The following ZFYVE9 variants were observed in gnomAD, a reference collection of about 807,000 sequenced individuals.
ZFYVE9 encodes zinc finger FYVE domain-containing protein 9.
A neutral mutation model predicts 126.7 loss-of-function variants in ZFYVE9; 43 were observed. The ratio of observed to expected loss-of-function variants is 0.34; its 90% CI spans 0.27 to 0.44. The LOEUF is 0.44. Ranked by LOEUF, ZFYVE9 falls within the 20% of genes least tolerant of loss-of-function variation. The pLI, the probability that ZFYVE9 is intolerant of heterozygous loss-of-function variation, is 1.00. For missense variants in ZFYVE9, 1,476 were observed against 1,697.0 expected (o/e 0.87, Z 2.29); for synonymous variants, 521 against 597.4 (o/e 0.87, Z 1.87).
chr1:52,270,402 A>C (rs1187015808), intron 7 of ZFYVE9, among the ~76,000 whole-genome samples: 2 of 152,088 alleles, frequency 1.3e-5, no homozygotes, highest in East Asian at 3.9e-4. Context: ...TAGCTGGGAC[A>C]ACAGGCGCCC....
intron 11 of ZFYVE9, 82 bp from the exon 12 acceptor site, chr1:52,295,813 G>T: frequency 8.5e-7 from 1 of 1,174,544 alleles, no homozygotes; most frequent in South Asian, 1.4e-5. Context: ...ATTATATTTT[G>T]AAAATTGTAT....
intron 13 of ZFYVE9, among the ~76,000 whole-genome samples, chr1:52,323,360 A>G (rs979063846): frequency 6.6e-6 from 1 of 152,124 alleles, no homozygotes; most frequent in South Asian, 2.1e-4. Context: ...TCTCTGTAGC[A>G]CTTGTCATTG....
rs1273649682 is a variant in ZFYVE9 at position 52,271,506 on chromosome 1, G to A, written c.2625+2874G>A. Among the ~76,000 whole-genome samples the A allele has an allele frequency of 1.3e-5, 2 of 152,094 alleles. 1 individual carries two copies. The highest frequency in any genetic ancestry group is 2.9e-5 in the Non-Finnish European group (2 of 68,026). On this transcript the variant is annotated intron_variant, in intron 7 of 18. Transcript: ENST00000287727. ...TGTTACATAGGTATACATGTGCAAT[G>A]GTGGTTTGCTGCACCCATCAACCCG... is the stretch of plus-strand genomic sequence containing the variant.
chr1:52,300,049 G>C, intron 12 of ZFYVE9, among the ~76,000 whole-genome samples: 2 of 152,186 alleles, frequency 1.3e-5, no homozygotes, highest in Non-Finnish European at 2.9e-5. Flanking sequence ...ACTCCTTGCA[G>C]GGAGGCAGTG....
intron 13 of ZFYVE9, among the ~76,000 whole-genome samples, chr1:52,308,753 T>C (rs947085243): frequency 6.6e-6 from 1 of 152,216 alleles, no homozygotes; most frequent in African/African-American, 2.4e-5. Context: ...TTATATGCAT[T>C]CCTAGAATTC....
intron 9 of ZFYVE9, among the ~76,000 whole-genome samples, 184 bp downstream of exon 9, chr1:52,278,798 C>T (rs1269339464): frequency 6.6e-6 from 1 of 150,498 alleles, no homozygotes; most frequent in East Asian, 1.9e-4. Context: ...ACCATCTCGG[C>T]TCACTGCAAG....
chr1:52,337,956 C>T (rs1264102329), intron 16 of ZFYVE9, 22 bp downstream of exon 16: 1 of 1,608,342 alleles, frequency 6.2e-7, no homozygotes, highest in Non-Finnish European at 8.5e-7. Flanking sequence ...ACATGTCCCC[C>T]TTTGTGGCTT....
At chr1:52,268,737 A>G in intron 7 of ZFYVE9, 105 bp downstream of exon 7, 1 of 1,351,290 alleles carries the variant, frequency 7.4e-7, no homozygotes, top group Non-Finnish European at 1.0e-6. Context: ...TTTGGATACA[A>G]CTTAGTGTAT....
At chr1:52,147,762 T>G (rs530777850) in intron 1 of ZFYVE9, among the ~76,000 whole-genome samples, 1 of 152,340 alleles carries the variant, frequency 6.6e-6, no homozygotes, top group South Asian at 2.1e-4. Flanking sequence ...GGTAGCTGTA[T>G]GTTTAACCTT....
chr1:52,242,600 A>T (rs1316824487), intron 4 of ZFYVE9, among the ~76,000 whole-genome samples: 1 of 152,090 alleles, frequency 6.6e-6, no homozygotes, highest in Non-Finnish European at 1.5e-5. Context: ...AAATTTAGAT[A>T]TAACGGGTGT....
intron 15 of ZFYVE9, 94 bp from the exon 16 acceptor site, chr1:52,337,678 C>G: frequency 7.1e-7 from 1 of 1,418,246 alleles, no homozygotes; most frequent in Non-Finnish European, 9.6e-7. Flanking sequence ...CTTTGGAAAG[C>G]AGAGCTAAGG....
chr1:52,164,082 G>A (rs76390417), intron 1 of ZFYVE9, among the ~76,000 whole-genome samples: 166 of 151,196 alleles, frequency 1.1e-3, no homozygotes, highest in African/African-American at 3.9e-3. Flanking sequence ...CTCCCCAGTA[G>A]CTGGGACTAT....
At chr1:52,158,493 A>T (rs1163959501) in intron 1 of ZFYVE9, among the ~76,000 whole-genome samples, 1 of 152,204 alleles carries the variant, frequency 6.6e-6, no homozygotes, top group Non-Finnish European at 1.5e-5. Context: ...AAGGATTTGG[A>T]AATGACAATC....
At chr1:52,314,441 GA>G (rs1646164142) in intron 13 of ZFYVE9, among the ~76,000 whole-genome samples, 1 of 152,194 alleles carries the variant, frequency 6.6e-6, no homozygotes, top group Non-Finnish European at 1.5e-5. Context: ...CAGCACTTTG[GA>G]AGGCCAAGAT....
At chr1:52,279,993 A>C (rs2147815234) in intron 9 of ZFYVE9, among the ~76,000 whole-genome samples, 1 of 152,236 alleles carries the variant, frequency 6.6e-6, no homozygotes, top group Non-Finnish European at 1.5e-5. Flanking sequence ...GCCAGTTATT[A>C]ATGCTTGCTA....
intron 17 of ZFYVE9, 71 bp from the exon 18 acceptor site, chr1:52,344,697 A>G (rs1646468447): frequency 6.6e-7 from 1 of 1,515,760 alleles, no homozygotes; most frequent in Non-Finnish European, 9.1e-7. Flanking sequence ...GGGTGCTCAT[A>G]TACAGTGAGC....
intron 1 of ZFYVE9, among the ~76,000 whole-genome samples, chr1:52,168,707 G>T (rs1323192568): frequency 1.3e-5 from 2 of 151,772 alleles, no homozygotes; most frequent in Non-Finnish European, 2.9e-5. Flanking sequence ...GTAGAGACAA[G>T]GTCTTCCTAT....
At chr1:52,165,259 A>G (rs1436812145) in intron 1 of ZFYVE9, among the ~76,000 whole-genome samples, 1 of 152,168 alleles carries the variant, frequency 6.6e-6, no homozygotes, top group Non-Finnish European at 1.5e-5. Flanking sequence ...AATTTTTATT[A>G]AAGTCAGAAA....
chr1:52,334,420 T>G (rs1440085253), intron 14 of ZFYVE9, among the ~76,000 whole-genome samples: 1 of 152,208 alleles, frequency 6.6e-6, no homozygotes. Flanking sequence ...CCTCAACCAT[T>G]AAGATTCCTT....
Sources: gnomAD v4.1 joint callset for allele counts (sites outside exome capture counted in the v4.1 genomes callset) on GRCh38, gnomAD v4.1.1 for gene constraint, MANE v1.5 for transcripts, NCBI Gene and HGNC (gene_info 2026-07-23, HGNC 2026-07-21) for gene names.